ROBO1: variants seen among roughly 807,000 people sequenced by gnomAD.
The protein encoded by ROBO1 is roundabout guidance receptor 1, also known as roundabout homolog 1.
A neutral mutation model predicts 195.9 loss-of-function variants in ROBO1; 149 were observed. The observed-to-expected ratio is 0.76, with a 90% CI of 0.67 to 0.87. The LOEUF is 0.87. Among genes scored for constraint, ROBO1 ranks in the 40% least tolerant of loss-of-function variants. The pLI is 0.00. For missense variants in ROBO1, 1,933 were observed against 2,068.3 expected (o/e 0.93, Z 1.27); for synonymous variants, 816 against 733.2 (o/e 1.11, Z -1.82).
intron 3 of ROBO1, among the ~76,000 whole-genome samples, chr3:78,968,776 G>A (rs1213050881): frequency 6.6e-6 from 1 of 152,008 alleles, no homozygotes; most frequent in East Asian, 1.9e-4. Flanking sequence ...ATCCTTCTTG[G>A]CTGACAAATA....
chr3:78,872,522 G>T (rs945097265), intron 4 of ROBO1, among the ~76,000 whole-genome samples: 3 of 152,180 alleles, frequency 2.0e-5, no homozygotes. Flanking sequence ...ATGACCTTCT[G>T]TTTGATGTTT....
At chr3:79,604,639 G>A (rs182750461) in intron 1 of ROBO1, among the ~76,000 whole-genome samples, 28 of 151,920 alleles carry the variant, frequency 1.8e-4, no homozygotes, top group Middle Eastern at 3.4e-3. Context: ...ACTGTGGGTG[G>A]GTGCCCAATT....
At chr3:78,934,669 G>A (rs956894399) in intron 4 of ROBO1, among the ~76,000 whole-genome samples, 12 of 151,848 alleles carry the variant, frequency 7.9e-5, no homozygotes, top group African/African-American at 2.2e-4. Context: ...AGAACTCAGG[G>A]ATTCTCATCT....
intron 2 of ROBO1, among the ~76,000 whole-genome samples, chr3:79,185,282 T>A (rs1029034848): frequency 5.3e-5 from 8 of 152,160 alleles, no homozygotes; most frequent in Non-Finnish European, 7.3e-5. Context: ...GTAACTGATT[T>A]TTTTTATAGA....
At chr3:78,840,570 A>G (rs1054290166) in intron 4 of ROBO1, among the ~76,000 whole-genome samples, 1 of 152,156 alleles carries the variant, frequency 6.6e-6, no homozygotes, top group African/African-American at 2.4e-5. Flanking sequence ...CAAGCCATGT[A>G]CCTAATAATC....
chr3:78,937,645 G>T (rs1264403777), intron 4 of ROBO1, among the ~76,000 whole-genome samples: 1 of 152,076 alleles, frequency 6.6e-6, no homozygotes, highest in Non-Finnish European at 1.5e-5. Flanking sequence ...AGATACAACA[G>T]TTTAATGGTT....
At chr3:79,411,991 A>G (rs2037787968) in intron 2 of ROBO1, among the ~76,000 whole-genome samples, 1 of 152,084 alleles carries the variant, frequency 6.6e-6, no homozygotes, top group African/African-American at 2.4e-5. Context: ...AAGTTATCTC[A>G]GCCATCGAGA....
rs1259693388 is a variant in ROBO1 at position 79,173,382 on chromosome 3, G to T, written c.89-47843C>A. On this transcript the variant is annotated intron_variant, in intron 2 of 30. Transcript: ENST00000464233. The stretch of plus-strand genomic sequence containing the variant: ...CCAGGGCTGCGCGCGGTGCTTGCAG[G>T]CCAGCGCGAGTTCCAGGTGGGTGTG... 2.0e-5 allele frequency among the ~76,000 whole-genome samples: 3 copies of T among 152,110 alleles called. No individual in the cohort carries two copies. The South Asian group carries it at 6.2e-4, about 31-fold the overall frequency.
chr3:78,873,276 G>GCAAGTCA (rs1559948479), intron 4 of ROBO1, among the ~76,000 whole-genome samples: 1 of 152,042 alleles, frequency 6.6e-6, no homozygotes, highest in East Asian at 1.9e-4. Flanking sequence ...CAGTCAAAAG[G>GCAAGTCA]GGATGCATTG....
intron 1 of ROBO1, among the ~76,000 whole-genome samples, chr3:79,653,628 A>G (rs1946077763): frequency 6.6e-6 from 1 of 151,968 alleles, no homozygotes. Flanking sequence ...TGAATAGATC[A>G]GTGTCTTAGA....
intron 2 of ROBO1, among the ~76,000 whole-genome samples, chr3:79,508,766 G>C (rs1010510944): frequency 6.6e-6 from 1 of 152,086 alleles, no homozygotes; most frequent in Non-Finnish European, 1.5e-5. Context: ...CAAAATAAGT[G>C]ACCTTCTTCT....
chr3:79,634,795 C>G (rs1422399292), intron 1 of ROBO1, among the ~76,000 whole-genome samples: 1 of 152,072 alleles, frequency 6.6e-6, no homozygotes, highest in African/African-American at 2.4e-5. Context: ...ATTAAAAATA[C>G]TCTTGTTGTG....
chr3:79,699,248 C>T (rs542028391), intron 1 of ROBO1, among the ~76,000 whole-genome samples: 51 of 151,266 alleles, frequency 3.4e-4, no homozygotes, highest in Admixed American at 2.8e-3. Context: ...CTTCCTGAGG[C>T]GTGAAAATAA....
Position 79,324,870 on chromosome 3 carries a change from G to A in ROBO1, c.89-199331C>T, listed in dbSNP as rs545897454. ...TAGGAAAAGATAGTGTGTGGCATCCGTGCAGAGAATGGCTCTCAGGGAGAC... is the reference window on the plus strand; with the variant it reads ...TAGGAAAAGATAGTGTGTGGCATCCATGCAGAGAATGGCTCTCAGGGAGAC... On this transcript the variant is annotated intron_variant, in intron 2 of 30. Coordinates refer to ENST00000464233, the MANE Select transcript of ROBO1 (RefSeq NM_002941.4). 2.6e-5 allele frequency among the ~76,000 whole-genome samples: 4 copies of A among 152,308 alleles called. No individual in the cohort carries two copies. The East Asian group carries it at 5.8e-4, about 22-fold the overall frequency.
intron 3 of ROBO1, among the ~76,000 whole-genome samples, chr3:79,115,806 C>T (rs934757853): frequency 6.6e-6 from 1 of 152,110 alleles, no homozygotes; most frequent in Admixed American, 6.5e-5. Context: ...ACCATACTTC[C>T]GTGCGTAGCA....
chr3:78,816,456 T>C (rs2029915374), intron 4 of ROBO1, among the ~76,000 whole-genome samples: 1 of 152,070 alleles, frequency 6.6e-6, no homozygotes, highest in South Asian at 2.1e-4. Flanking sequence ...GATCAAGGAG[T>C]AATTTTGGAT....
chr3:78,639,278 A>C (rs1196756765), intron 22 of ROBO1, among the ~76,000 whole-genome samples: 1 of 151,962 alleles, frequency 6.6e-6, no homozygotes, highest in East Asian at 1.9e-4. Context: ...GCAACATGGC[A>C]AAACCCCATC....
At chr3:79,433,543 T>C (rs1202050901) in intron 2 of ROBO1, among the ~76,000 whole-genome samples, 1 of 152,040 alleles carries the variant, frequency 6.6e-6, no homozygotes, top group Non-Finnish European at 1.5e-5. Context: ...GCTACAGGTG[T>C]GCACCACCAG....
intron 2 of ROBO1, among the ~76,000 whole-genome samples, chr3:79,161,547 T>C (rs2080966807): frequency 6.6e-6 from 1 of 152,090 alleles, no homozygotes; most frequent in Non-Finnish European, 1.5e-5. Flanking sequence ...AAAAGAAATG[T>C]CATTGAAAAA....
Sources: gnomAD v4.1 joint callset for allele counts (sites outside exome capture counted in the v4.1 genomes callset) on GRCh38, gnomAD v4.1.1 for gene constraint, MANE v1.5 for transcripts, NCBI Gene and HGNC (gene_info 2026-07-23, HGNC 2026-07-21) for gene names.